The following GRIK4 variants were observed in gnomAD, a reference collection of about 807,000 sequenced individuals.
GRIK4 encodes the protein glutamate ionotropic receptor kainate type subunit 4.
In GRIK4, 40 loss-of-function variants were observed where a neutral mutation model predicts 104.9. The observed-to-expected ratio is 0.38, with a 90% CI of 0.30 to 0.50. The LOEUF (loss-of-function observed/expected upper bound fraction) is 0.50, where lower values mean the gene tolerates loss of function less well. Ranked by LOEUF, GRIK4 falls within the 20% of genes least tolerant of loss-of-function variation. The pLI, the probability that GRIK4 is intolerant of heterozygous loss-of-function variation, is 0.93. For synonymous variants in GRIK4, 485 were observed against 524.9 expected, an observed-to-expected ratio of 0.92 and a Z score of 1.04; for missense variants, 1,047 against 1,308.1, an observed-to-expected ratio of 0.80 and a Z score of 3.08.
At position 120,905,588 on chromosome 11, in the gene GRIK4, TTCAG is replaced by T. The variant is rs2134509029; in HGVS notation, c.1476+99_1476+102del. On this transcript the variant is annotated intron_variant, in intron 13 of 20. Coordinates refer to ENST00000527524, the MANE Select transcript of GRIK4 (RefSeq NM_014619.5). The surrounding 1 kb of genome is among the most constrained non-coding windows in gnomAD (Gnocchi z 5.1). ...TGCACGCTCATGAACCCTCCATTTGTTCAGTCAATCATTCATGCATTTGTCATTT... is the reference window on the plus strand; with the variant it reads ...TGCACGCTCATGAACCCTCCATTTGTTCAATCATTCATGCATTTGTCATTT... 1.2e-6 allele frequency: 1 copy of T among 839,846 alleles called. No homozygotes were observed. The highest frequency in any genetic ancestry group is 2.5e-5 in the East Asian group (1 of 40,678). 52.0% of individuals were successfully genotyped at this position (839,846 alleles called of 1,614,324 possible).
chr11:120,930,402 A>T (rs1360985556), intron 13 of GRIK4, among the ~76,000 whole-genome samples: 1 of 152,236 alleles, frequency 6.6e-6, no homozygotes, highest in Non-Finnish European at 1.5e-5. Flanking sequence ...GTCAGGCCTA[A>T]GCTTTGTGTG....
intron 7 of GRIK4, among the ~76,000 whole-genome samples, chr11:120,834,331 G>C (rs1022808762): frequency 1.3e-5 from 2 of 150,776 alleles, no homozygotes; most frequent in Non-Finnish European, 3.0e-5. Context: ...TCTGCCTGTA[G>C]TGTAGTGATC....
intron 3 of GRIK4, among the ~76,000 whole-genome samples, chr11:120,699,530 GGTGTGTGTATGT>G (rs765711599): frequency 0.048 from 6,459 of 135,008 alleles, 203 homozygotes; most frequent in East Asian, 0.19. Flanking sequence ...CAGTAAGTCA[GGTGTGTGTATGT>G]GTGTGTGTGT....
intron 1 of GRIK4, among the ~76,000 whole-genome samples, chr11:120,540,367 T>TC (rs756758956): frequency 5.1e-4 from 78 of 152,104 alleles, no homozygotes; most frequent in Non-Finnish European, 7.1e-4. Flanking sequence ...ATGCCTGTAA[T>TC]CCCAGCACTT....
At chr11:120,613,184 C>G (rs567757687) in intron 1 of GRIK4, among the ~76,000 whole-genome samples, 27 of 152,300 alleles carry the variant, frequency 1.8e-4, no homozygotes, top group African/African-American at 6.3e-4. Flanking sequence ...CAGCTGAGCC[C>G]AGCTGCTGCT....
At chr11:120,768,849 A>C (rs1399104901) in intron 3 of GRIK4, among the ~76,000 whole-genome samples, 1 of 152,180 alleles carries the variant, frequency 6.6e-6, no homozygotes. Context: ...TGCTGATTGA[A>C]TTGCATATGT....
chr11:120,923,452 G>T (rs188049818), intron 13 of GRIK4, among the ~76,000 whole-genome samples: 3 of 119,062 alleles, frequency 2.5e-5, no homozygotes, highest in African/African-American at 6.7e-5. Context: ...TCACTCAGTC[G>T]CCCAGGCTGG....
chr11:120,918,483 A>G (rs1169626337), intron 13 of GRIK4, among the ~76,000 whole-genome samples: 1 of 152,218 alleles, frequency 6.6e-6, no homozygotes, highest in East Asian at 1.9e-4. Flanking sequence ...ACCTCCATGT[A>G]TGGTTTGTGC....
chr11:120,912,500 T>C (rs566474898), intron 13 of GRIK4, among the ~76,000 whole-genome samples: 1 of 152,218 alleles, frequency 6.6e-6, no homozygotes, highest in African/African-American at 2.4e-5. Context: ...TTCTGCCGCT[T>C]GAAAGGAAGT....
chr11:120,816,415 G>A (rs1378584973), intron 5 of GRIK4, among the ~76,000 whole-genome samples: 1 of 152,102 alleles, frequency 6.6e-6, no homozygotes, highest in Non-Finnish European at 1.5e-5. Flanking sequence ...TGGGGGCGGG[G>A]GCAGGGACAT....
At chr11:120,716,796 A>G (rs1307835607) in intron 3 of GRIK4, among the ~76,000 whole-genome samples, 1 of 152,116 alleles carries the variant, frequency 6.6e-6, no homozygotes, top group Non-Finnish European at 1.5e-5. Flanking sequence ...TCCAGGAGAG[A>G]CAGCCTTTTC....
chr11:120,675,551 G>A lies in GRIK4; in HGVS notation c.82+15151G>A, dbSNP rs188291520. 5.0e-3 allele frequency among the ~76,000 whole-genome samples: 754 copies of A among 152,284 alleles called. 6 individuals carry two copies. The highest frequency in any genetic ancestry group is 0.017 in the African/African-American group (725 of 41,570). ...AGCATGCACAGTGTGTGGCATATAA[G>A]AAATATTAGTTTCTATTTTTTTATT... On this transcript the variant is annotated intron_variant, in intron 3 of 20. Transcript: ENST00000527524.
intron 3 of GRIK4, among the ~76,000 whole-genome samples, chr11:120,685,848 G>T (rs7106140): frequency 0.45 from 68,976 of 151,756 alleles, 15,887 homozygotes; most frequent in East Asian, 0.49. Context: ...TGATTCTTCT[G>T]CCCTAAGCCC....
chr11:120,560,283 C>G (rs1269982386), intron 1 of GRIK4, among the ~76,000 whole-genome samples: 4 of 152,046 alleles, frequency 2.6e-5, no homozygotes, highest in African/African-American at 4.8e-5. Context: ...AACTCCCGAC[C>G]TCAGGTGATC....
chr11:120,571,683 A>C (rs1948401987), intron 1 of GRIK4, among the ~76,000 whole-genome samples: 1 of 149,758 alleles, frequency 6.7e-6, no homozygotes, highest in African/African-American at 2.5e-5. Flanking sequence ...CACCCCCCTC[A>C]TCTCTCCTCT....
intron 13 of GRIK4, among the ~76,000 whole-genome samples, chr11:120,927,695 T>C (rs1288066758): frequency 6.6e-6 from 1 of 152,202 alleles, no homozygotes; most frequent in African/African-American, 2.4e-5. Context: ...AGCTTCATGG[T>C]ATTAACCACA....
intron 3 of GRIK4, among the ~76,000 whole-genome samples, chr11:120,801,637 TATCA>T (rs1482293691): frequency 1.3e-5 from 2 of 152,250 alleles, no homozygotes; most frequent in African/African-American, 2.4e-5. Context: ...TTTTTTTATC[TATCA>T]ATCAATCTAT....
chr11:120,549,686 G>A lies in GRIK4; in HGVS notation c.-159+37799G>A, dbSNP rs1456080397. Among the ~76,000 whole-genome samples the A allele has an allele frequency of 2.0e-5, 3 of 152,192 alleles. No individual in the cohort carries two copies. The highest frequency in any genetic ancestry group is 2.1e-4 in the South Asian group (1 of 4,832). On this transcript the variant is annotated intron_variant, in intron 1 of 20. Transcript: ENST00000527524. The surrounding 1 kb of genome is among the most constrained non-coding windows in gnomAD (Gnocchi z 4.7). ...GACAAGCAGAGGCTGAGGGCGGGTC[G>A]TGGGCCCCTGGGAGATCTGGGGTGC... is the stretch of plus-strand genomic sequence containing the variant.
intron 1 of GRIK4, among the ~76,000 whole-genome samples, chr11:120,561,556 C>A (rs530907184): frequency 5.3e-5 from 8 of 152,226 alleles, no homozygotes; most frequent in African/African-American, 1.7e-4. Flanking sequence ...GGCATACCCC[C>A]GCTCCAGCAA....
Sources: allele counts gnomAD v4.1 joint callset (sites outside exome capture counted in the v4.1 genomes callset), GRCh38; gene constraint gnomAD v4.1.1; non-coding constraint Gnocchi (gnomAD v3.1); transcripts MANE v1.5; gene names NCBI Gene and HGNC (gene_info 2026-07-23, HGNC 2026-07-21).